Variants in NREP observed in about 807,000 individuals in gnomAD.
NREP encodes neuronal regeneration-related protein.
In NREP, 5 loss-of-function variants were observed where a neutral mutation model predicts 8.6. That is an observed-to-expected ratio of 0.58 (90% CI 0.30 to 1.22). NREP has a LOEUF of 1.22. Ranked by LOEUF, NREP falls within the 50% of genes most tolerant of loss-of-function variation. The pLI is 0.07. For synonymous variants in NREP, 27 were observed against 28.0 expected (o/e 0.96, Z 0.11); for missense variants, 86 against 82.5 (o/e 1.04, Z -0.17).
At chr5:111,790,867 G>A (rs1478613764) in intron 2 of NREP, among the ~76,000 whole-genome samples, 1 of 152,058 alleles carries the variant, frequency 6.6e-6, no homozygotes, top group Non-Finnish European at 1.5e-5. Context: ...ACGAAATGAG[G>A]ATTGAAAATA....
chr5:111,861,784 A>G (rs1753549488), intron 2 of NREP, among the ~76,000 whole-genome samples: 1 of 152,204 alleles, frequency 6.6e-6, no homozygotes, highest in Admixed American at 6.5e-5. Flanking sequence ...AATCCTAATC[A>G]CGTTCCCCAG....
intron 2 of NREP, among the ~76,000 whole-genome samples, chr5:111,944,955 A>G (rs1755935395): frequency 6.6e-6 from 1 of 152,088 alleles, no homozygotes; most frequent in Non-Finnish European, 1.5e-5. Flanking sequence ...CCTCTCCTTT[A>G]TCCCTAATAT....
At chr5:111,935,067 C>T (rs1755645687) in intron 2 of NREP, among the ~76,000 whole-genome samples, 1 of 152,046 alleles carries the variant, frequency 6.6e-6, no homozygotes, top group Non-Finnish European at 1.5e-5. Flanking sequence ...CTTTTAGTAA[C>T]TATTTTTCTA....
chr5:111,926,692 T>A (rs1341301972), intron 2 of NREP, among the ~76,000 whole-genome samples: 1 of 152,004 alleles, frequency 6.6e-6, no homozygotes, highest in African/African-American at 2.4e-5. Flanking sequence ...GAAGATGGTT[T>A]GTTACCCATC....
chr5:111,902,804 T>C (rs1754677142), intron 2 of NREP, among the ~76,000 whole-genome samples: 1 of 152,148 alleles, frequency 6.6e-6, no homozygotes. Flanking sequence ...CGTGAGAGTT[T>C]CAATGGGAAA....
chr5:111,975,786 G>A (rs540618193), intron 1 of NREP, among the ~76,000 whole-genome samples: 1 of 152,250 alleles, frequency 6.6e-6, no homozygotes, highest in Admixed American at 6.5e-5. Flanking sequence ...ATGTCAACCT[G>A]AAATAGAATT....
At chr5:111,932,770 C>T (rs947109498) in intron 2 of NREP, among the ~76,000 whole-genome samples, 14 of 152,158 alleles carry the variant, frequency 9.2e-5, no homozygotes, top group Middle Eastern at 6.8e-3. Flanking sequence ...CGTAATTCAC[C>T]TATGATTCAT....
Position 111,735,491 on chromosome 5 carries a change from A to C in NREP, c.20T>G (p.Leu7Arg), listed in dbSNP as rs775070398. 1 of 1,612,358 alleles carries C rather than the reference A, an allele frequency of 6.2e-7. No homozygotes were observed. Among genetic ancestry groups the C allele is most frequent in the Non-Finnish European group, 8.5e-7 (1 of 1,178,682 alleles). MVYYPE[L>R]FVWVSQEPFP... The stretch of plus-strand genomic sequence containing the variant: ...TGGTTCTTGACTGACCCAGACAAAG[A>C]GTTCTGGGTAATAAACCTATAGAGA... Residue 7 changes from leucine (L) to arginine (R), a missense_variant, in exon 3 of 4, where the codon CTC becomes CGC. Coordinates refer to ENST00000257435, the MANE Select transcript of NREP (RefSeq NM_004772.4).
At position 111,898,844 on chromosome 5, in the gene NREP, C is replaced by G. The variant is rs1175269913; in HGVS notation, c.135+76430G>C. 2.0e-5 allele frequency among the ~76,000 whole-genome samples: 3 copies of G among 152,040 alleles called. No individual in the cohort carries two copies. In the East Asian group the frequency reaches 5.8e-4, roughly 29 times the overall value. ...AAGAGAATTCTGAAAACAGCAAGAGCAAATTGTTAACTCACTTATAATGGA... is the reference window on the plus strand; with the variant it reads ...AAGAGAATTCTGAAAACAGCAAGAGGAAATTGTTAACTCACTTATAATGGA... On this transcript the variant is annotated intron_variant, in intron 2 of 3. Transcript: ENST00000395634.
intron 2 of NREP, among the ~76,000 whole-genome samples, chr5:111,848,565 G>T (rs1222762253): frequency 1.3e-5 from 2 of 152,110 alleles, no homozygotes; most frequent in Admixed American, 6.6e-5. Flanking sequence ...GCCAGTGGTT[G>T]CCATGGTAAT....
intron 2 of NREP, chr5:111,738,248 T>G (rs1019853031): frequency 2.6e-5 from 4 of 152,222 alleles, no homozygotes; most frequent in Non-Finnish European, 5.9e-5. Flanking sequence ...AGTGAAGAGC[T>G]TAAGAGAAAA....
intron 2 of NREP, among the ~76,000 whole-genome samples, chr5:111,860,995 A>G (rs2112481151): frequency 6.6e-6 from 1 of 152,296 alleles, no homozygotes; most frequent in Admixed American, 6.5e-5. Flanking sequence ...AATGGCCAGG[A>G]AAATAATCTT....
intron 1 of NREP, chr5:111,976,626 G>C: frequency 8.7e-7 from 1 of 1,145,834 alleles, no homozygotes; most frequent in East Asian, 2.6e-5. Context: ...AGGTCAGTGA[G>C]GCAGAGACAA....
chr5:111,735,337 TA>T, intron 3 of NREP, 92 bp downstream of exon 3: 1 of 798,246 alleles, frequency 1.3e-6, no homozygotes, highest in South Asian at 1.5e-5. Flanking sequence ...TAGCAGCCTA[TA>T]ATGGGTATTC....
At chr5:111,893,526 G>A (rs1051422983) in intron 2 of NREP, among the ~76,000 whole-genome samples, 1 of 151,424 alleles carries the variant, frequency 6.6e-6, no homozygotes, top group Non-Finnish European at 1.5e-5. Flanking sequence ...ACTATTTACA[G>A]TAAGAAAACT....
intron 2 of NREP, among the ~76,000 whole-genome samples, chr5:111,742,802 A>G (rs149692612): frequency 2.6e-5 from 4 of 152,154 alleles, no homozygotes; most frequent in East Asian, 3.9e-4. Flanking sequence ...TTCCAGCCCC[A>G]TTCCTTTCCA....
chr5:111,823,684 AC>A (rs1752559986), intron 2 of NREP, among the ~76,000 whole-genome samples: 1 of 152,158 alleles, frequency 6.6e-6, no homozygotes, highest in East Asian at 1.9e-4. Flanking sequence ...TATAGTCTAA[AC>A]TGTGGGTTAT....
At chr5:111,796,216 T>A (rs1751869989) in intron 2 of NREP, among the ~76,000 whole-genome samples, 1 of 152,152 alleles carries the variant, frequency 6.6e-6, no homozygotes, top group Admixed American at 6.5e-5. Context: ...AGTCTCTCTT[T>A]CCTTTTGTCT....
chr5:111,975,219 C>A (rs961762322), intron 2 of NREP: 32 of 1,315,942 alleles, frequency 2.4e-5, no homozygotes, highest in Admixed American at 8.0e-5. Context: ...TGATGGAAAC[C>A]CAACTTGAAC....
Sources: allele counts gnomAD v4.1 joint callset (sites outside exome capture counted in the v4.1 genomes callset), GRCh38; gene constraint gnomAD v4.1.1; transcripts MANE v1.5; gene names NCBI Gene and HGNC (gene_info 2026-07-23, HGNC 2026-07-21).